MOB4: variants seen among roughly 807,000 people sequenced by gnomAD.
The protein encoded by MOB4 is MOB family member 4, phocein.
In MOB4, 4 loss-of-function variants were observed where a neutral mutation model predicts 32.2. That is an observed-to-expected ratio of 0.12 (90% CI 0.06 to 0.28). The LOEUF (loss-of-function observed/expected upper bound fraction) is 0.28. Ranked by LOEUF, MOB4 falls within the 10% of genes least tolerant of loss-of-function variation. MOB4 has a pLI of 1.00. For missense variants in MOB4, 158 were observed against 271.2 expected, an observed-to-expected ratio of 0.58 and a Z score of 2.93; for synonymous variants, 88 against 88.1, an observed-to-expected ratio of 1.00 and a Z score of 0.01.
chr2:197,534,636 G>A (rs892394232), intron 2 of MOB4, among the ~76,000 whole-genome samples: 17 of 152,070 alleles, frequency 1.1e-4, no homozygotes, highest in Admixed American at 3.9e-4. Context: ...TCCGCCTCCC[G>A]GGTCCAAGCG....
rs545217899 is a variant in MOB4 at position 197,520,548 on chromosome 2, T to A, written c.61-3076T>A. On this transcript the variant is annotated intron_variant, in intron 1 of 7. Transcript: ENST00000323303. ...ACAGGTTTATATACAGGTTTATAGA[T>A]TATTGGTTTACTCTTACCTCCTCCC... Among the ~76,000 whole-genome samples the A allele has an allele frequency of 1.2e-4, 19 of 152,246 alleles. No individual in the cohort carries two copies. The South Asian group carries it at 3.9e-3, about 32-fold the overall frequency.
At chr2:197,541,057 T>C (rs80119548) in intron 5 of MOB4, among the ~76,000 whole-genome samples, 1 of 152,018 alleles carries the variant, frequency 6.6e-6, no homozygotes, top group African/African-American at 2.4e-5. Flanking sequence ...TGCGCTATCA[T>C]GCCGGGCTAA....
intron 2 of MOB4, among the ~76,000 whole-genome samples, chr2:197,533,549 AC>A (rs1426562061): frequency 6.6e-6 from 1 of 151,804 alleles, no homozygotes; most frequent in African/African-American, 2.4e-5. Flanking sequence ...ACATGGCGAA[AC>A]CCTGTCTCTA....
chr2:197,521,775 G>A (rs1368450709), intron 1 of MOB4, among the ~76,000 whole-genome samples: 2 of 152,244 alleles, frequency 1.3e-5, no homozygotes, highest in Non-Finnish European at 2.9e-5. Context: ...AGTGGTCAGA[G>A]TTTAAGGTTA....
chr2:197,516,364 G>A (rs1164410442), intron 1 of MOB4: 14 of 1,419,946 alleles, frequency 9.9e-6, no homozygotes, highest in Non-Finnish European at 1.3e-5. Flanking sequence ...GGGTAGGCGT[G>A]AGGGGCGGGT....
At chr2:197,516,187 G>T (rs757858581) in intron 1 of MOB4, 41 bp downstream of exon 1, 3 of 1,567,424 alleles carry the variant, frequency 1.9e-6, no homozygotes, top group Non-Finnish European at 2.6e-6. Context: ...ACTAGGTGCC[G>T]AGCAGTGCTG....
chr2:197,535,738 C>T, intron 3 of MOB4, 108 bp downstream of exon 3: 1 of 1,274,738 alleles, frequency 7.8e-7, no homozygotes. Context: ...ACTAAGAAGC[C>T]AAATTTTAAA....
intron 1 of MOB4, among the ~76,000 whole-genome samples, chr2:197,522,804 C>G (rs1300754931): frequency 6.6e-6 from 1 of 152,002 alleles, no homozygotes; most frequent in East Asian, 1.9e-4. Flanking sequence ...ATCACGAGAT[C>G]AAGAGATTGA....
At chr2:197,542,475 C>T (rs1020788128) in intron 5 of MOB4, among the ~76,000 whole-genome samples, 2 of 152,198 alleles carry the variant, frequency 1.3e-5, no homozygotes, top group Non-Finnish European at 2.9e-5. Context: ...AAGAAAATTG[C>T]TCTCATGGAT....
At chr2:197,522,437 TCTC>T (rs1437593187) in intron 1 of MOB4, among the ~76,000 whole-genome samples, 2 of 150,004 alleles carry the variant, frequency 1.3e-5, no homozygotes, top group Non-Finnish European at 3.0e-5. Context: ...TTCAAGCAAT[TCTC>T]CTGCCTCAGC....
intron 5 of MOB4, among the ~76,000 whole-genome samples, chr2:197,543,445 A>AG (rs1207181869): frequency 6.6e-6 from 1 of 151,570 alleles, no homozygotes; most frequent in Non-Finnish European, 1.5e-5. Context: ...ATGCTTGATA[A>AG]GGGAAAAAAA....
chr2:197,528,616 C>CTTTTTCTT (rs2086647312), intron 2 of MOB4, among the ~76,000 whole-genome samples: 1 of 131,688 alleles, frequency 7.6e-6, no homozygotes, highest in African/African-American at 2.7e-5. Context: ...TTTTCTTTTT[C>CTTTTTCTT]TTTTTTTTTT....
chr2:197,546,655 C>G (rs923263164), intron 5 of MOB4, among the ~76,000 whole-genome samples: 2 of 152,126 alleles, frequency 1.3e-5, no homozygotes, highest in African/African-American at 4.8e-5. Context: ...CCACTTTGGC[C>G]TCCCAAAGTG....
intron 2 of MOB4, among the ~76,000 whole-genome samples, chr2:197,531,443 C>T (rs1183894590): frequency 6.6e-6 from 1 of 152,206 alleles, no homozygotes; most frequent in Non-Finnish European, 1.5e-5. Flanking sequence ...TCTTCCCCAA[C>T]TGAAATTCTA....
rs1440501964 is a variant in MOB4 at position 197,518,503 on chromosome 2, C to T, written c.60+2357C>T. On this transcript the variant is annotated intron_variant, in intron 1 of 7. Coordinates refer to ENST00000323303, the MANE Select transcript of MOB4 (RefSeq NM_015387.5). ...TCTCGAACTCCTGACCTCAGGTGAT[C>T]TGCCCGCCTGGGCCTCCCAAAATGG... 2.0e-5 allele frequency among the ~76,000 whole-genome samples: 3 copies of T among 150,370 alleles called. No individual in the cohort carries two copies. In the East Asian group the frequency reaches 5.9e-4, roughly 30 times the overall value.
chr2:197,522,860 C>A (rs2086545913), intron 1 of MOB4, among the ~76,000 whole-genome samples: 3 of 151,672 alleles, frequency 2.0e-5, no homozygotes, highest in Non-Finnish European at 4.4e-5. Flanking sequence ...ACAAAAAATA[C>A]AAAAATTAGC....
chr2:197,546,972 G>T (rs1378481459), intron 5 of MOB4, among the ~76,000 whole-genome samples: 1 of 152,196 alleles, frequency 6.6e-6, no homozygotes, highest in Non-Finnish European at 1.5e-5. Context: ...GGGGCTGGGC[G>T]TGATGGCTTA....
chr2:197,533,722 CAAAAAA>C (rs796816631), intron 2 of MOB4: 24 of 142,404 alleles, frequency 1.7e-4, no homozygotes, highest in Middle Eastern at 2.6e-3. Flanking sequence ...CAAAACTCCT[CAAAAAA>C]AAAAAAAAAA....
chr2:197,542,410 A>G (rs1037844991), intron 5 of MOB4, among the ~76,000 whole-genome samples: 2 of 152,210 alleles, frequency 1.3e-5, no homozygotes, highest in South Asian at 2.1e-4. Context: ...CACTTTCTGA[A>G]CTGTTTTTGA....
Sources: allele counts gnomAD v4.1 joint callset (sites outside exome capture counted in the v4.1 genomes callset), GRCh38; gene constraint gnomAD v4.1.1; transcripts MANE v1.5; gene names NCBI Gene and HGNC (gene_info 2026-07-23, HGNC 2026-07-21).